IL1RN: variants seen among roughly 807,000 people sequenced by gnomAD.
IL1RN encodes interleukin 1 receptor antagonist, also known as interleukin-1 receptor antagonist protein.
A neutral mutation model predicts 13.7 loss-of-function variants in IL1RN; 10 were observed. That is an observed-to-expected ratio of 0.73 (90% CI 0.45 to 1.24). IL1RN has a LOEUF of 1.24. Ranked by LOEUF, IL1RN falls within the 50% of genes most tolerant of loss-of-function variation. The pLI is 0.00. For missense variants in IL1RN, 213 were observed against 222.1 expected, an observed-to-expected ratio of 0.96 and a Z score of 0.26; for synonymous variants, 102 against 82.7, an observed-to-expected ratio of 1.23 and a Z score of -1.27.
intron 3 of IL1RN, 51 bp downstream of exon 3, chr2:113,131,208 A>G (rs1687158522): frequency 1.7e-6 from 2 of 1,188,284 alleles, no homozygotes; most frequent in Admixed American, 1.7e-5. Context: ...GTGGCTTGAA[A>G]CAACCAAAAT....
the IL1RN span, among the ~76,000 whole-genome samples, chr2:113,101,789 T>C: frequency 0.12 from 18,049 of 152,132 alleles, 1,275 homozygotes; most frequent in East Asian, 0.28. Context: ...TTTTTTGAGA[T>C]GGAGTTTCTC....
intron 2 of IL1RN, among the ~76,000 whole-genome samples, chr2:113,120,282 G>T (rs1011423879): frequency 6.6e-6 from 1 of 151,944 alleles, no homozygotes; most frequent in African/African-American, 2.4e-5. Context: ...ATCTGCAATG[G>T]TTTATTTTCC....
chr2:113,104,500 T>C (rs1686360430), upstream of IL1RN, among the ~76,000 whole-genome samples: 1 of 152,140 alleles, frequency 6.6e-6, no homozygotes, highest in Non-Finnish European at 1.5e-5. Flanking sequence ...GCAAAAGGTA[T>C]GCAAAGGGAT....
intron 2 of IL1RN, 95 bp from the exon 3 acceptor site, chr2:113,130,950 G>A: frequency 3.7e-6 from 3 of 814,390 alleles, no homozygotes; most frequent in South Asian, 2.8e-5. Flanking sequence ...TTTTAGTTTT[G>A]TGGGGACCAG....
At chr2:113,125,142 A>C (rs1686912064), upstream of IL1RN, among the ~76,000 whole-genome samples, 1 of 152,246 alleles carries the variant, frequency 6.6e-6, no homozygotes, top group Non-Finnish European at 1.5e-5. Context: ...GGGTTGAAGA[A>C]AGACAAATAG....
chr2:113,123,571 A>T (rs1012484729), upstream of IL1RN, among the ~76,000 whole-genome samples: 12 of 152,218 alleles, frequency 7.9e-5, 1 homozygote, highest in African/African-American at 2.9e-4. Context: ...CTACCTGTGC[A>T]GCAGGAGCAA....
upstream of IL1RN, among the ~76,000 whole-genome samples, chr2:113,105,075 G>A (rs976138150): frequency 6.6e-6 from 1 of 152,152 alleles, no homozygotes; most frequent in African/African-American, 2.4e-5. Flanking sequence ...ATGCACGGAG[G>A]AGATCTTTCA....
chr2:113,126,442 G>A (rs1051135334), upstream of IL1RN, among the ~76,000 whole-genome samples: 1 of 152,152 alleles, frequency 6.6e-6, no homozygotes, highest in Non-Finnish European at 1.5e-5. Context: ...TGATTGCCAA[G>A]CTCCCGTCCA....
chr2:113,127,833 C>A (rs1449636987), intron 1 of IL1RN, 93 bp downstream of exon 1: 2 of 1,299,434 alleles, frequency 1.5e-6, no homozygotes, highest in African/African-American at 1.5e-5. Flanking sequence ...CCCCAGAGGG[C>A]CTGAGAACTG....
At chr2:113,111,906 G>A (rs935075498) in intron 1 of IL1RN, among the ~76,000 whole-genome samples, 1 of 152,270 alleles carries the variant, frequency 6.6e-6, no homozygotes, top group Non-Finnish European at 1.5e-5. Context: ...GAGACAAACA[G>A]GTCCTCCTTA....
the IL1RN span, among the ~76,000 whole-genome samples, chr2:113,102,114 A>G: frequency 2.0e-5 from 3 of 152,188 alleles, no homozygotes; most frequent in African/African-American, 7.2e-5. Flanking sequence ...TCAGACTGCC[A>G]TAACAAAATA....
At chr2:113,123,540 T>G, upstream of IL1RN, among the ~76,000 whole-genome samples, 1 of 152,194 alleles carries the variant, frequency 6.6e-6, no homozygotes, top group East Asian at 1.9e-4. Context: ...AGAGGTTACC[T>G]GCTTTTGAAA....
chr2:113,127,123 T>C (rs1686989262), upstream of IL1RN, among the ~76,000 whole-genome samples: 2 of 152,224 alleles, frequency 1.3e-5, no homozygotes, highest in African/African-American at 2.4e-5. Flanking sequence ...ATTTACTATC[T>C]CGTCCTTTAC....
intron 1 of IL1RN, among the ~76,000 whole-genome samples, chr2:113,128,415 G>A (rs946889577): frequency 6.6e-6 from 1 of 152,128 alleles, no homozygotes; most frequent in Non-Finnish European, 1.5e-5. Flanking sequence ...AAATCATGTT[G>A]GGGTGACTTC....
At chr2:113,101,361 G>A in the IL1RN span, among the ~76,000 whole-genome samples, 47 of 152,114 alleles carry the variant, frequency 3.1e-4, no homozygotes, top group Admixed American at 2.0e-4. Context: ...TTACAGCTGT[G>A]ATGTAAAACC....
upstream of IL1RN, chr2:113,117,706 C>G: frequency 1.9e-6 from 1 of 535,722 alleles, no homozygotes; most frequent in Non-Finnish European, 3.4e-6. Flanking sequence ...CATGTGACCT[C>G]CCATCTTACG....
intron 3 of IL1RN, among the ~76,000 whole-genome samples, chr2:113,132,405 G>T (rs1687205474): frequency 6.6e-6 from 1 of 152,196 alleles, no homozygotes; most frequent in Admixed American, 6.5e-5. Flanking sequence ...CCGAGATTGT[G>T]CCACTGCACT....
chr2:113,107,199 T>C (rs550751919), upstream of IL1RN: 3 of 152,288 alleles, frequency 2.0e-5, no homozygotes, highest in African/African-American at 7.2e-5. Context: ...AACTGATAAA[T>C]AGATGAATCT....
chr2:113,111,609 G>T (rs866970588), intron 1 of IL1RN, among the ~76,000 whole-genome samples: 24 of 152,268 alleles, frequency 1.6e-4, no homozygotes, highest in African/African-American at 5.1e-4. Context: ...GCTCAGTGTG[G>T]GTATATAAAG....
Sources: gnomAD v4.1 joint callset for allele counts (sites outside exome capture counted in the v4.1 genomes callset) on GRCh38, gnomAD v4.1.1 for gene constraint, MANE v1.5 for transcripts, NCBI Gene and HGNC (gene_info 2026-07-23, HGNC 2026-07-21) for gene names.